HECW1: variants seen among roughly 807,000 people sequenced by gnomAD.
HECW1 encodes HECT, C2 and WW domain containing E3 ubiquitin protein ligase 1.
A neutral mutation model predicts 182.3 loss-of-function variants in HECW1; 61 were observed. The ratio of observed to expected loss-of-function variants is 0.33; its 90% CI spans 0.27 to 0.41. The LOEUF (loss-of-function observed/expected upper bound fraction) is 0.41, where lower values mean the gene tolerates loss of function less well. Ranked by LOEUF, HECW1 falls within the 10% of genes least tolerant of loss-of-function variation. The pLI, the probability that HECW1 is intolerant of heterozygous loss-of-function variation, is 1.00. For missense variants in HECW1, 1,739 were observed against 2,108.9 expected (o/e 0.82, Z 3.44); for synonymous variants, 859 against 832.6 (o/e 1.03, Z -0.55).
intron 5 of HECW1, among the ~76,000 whole-genome samples, chr7:43,342,142 A>G (rs557563406): frequency 6.6e-6 from 1 of 151,962 alleles, no homozygotes; most frequent in Admixed American, 6.5e-5. Flanking sequence ...TTAACATTTT[A>G]CCTTAAGGAG....
chr7:43,419,611 T>A (rs962096536), intron 8 of HECW1, among the ~76,000 whole-genome samples: 1 of 152,206 alleles, frequency 6.6e-6, no homozygotes, highest in Non-Finnish European at 1.5e-5. Context: ...AGAAAAATCA[T>A]GTTTATCTCC....
intron 5 of HECW1, among the ~76,000 whole-genome samples, chr7:43,352,966 A>C (rs889630760): frequency 5.3e-5 from 8 of 152,098 alleles, no homozygotes; most frequent in African/African-American, 1.9e-4. Context: ...GGGGCAGGGA[A>C]GCAATTTTCT....
chr7:43,301,966 GA>G (rs1806867359), intron 3 of HECW1, among the ~76,000 whole-genome samples: 2 of 151,976 alleles, frequency 1.3e-5, no homozygotes, highest in African/African-American at 4.8e-5. Flanking sequence ...CCACCCAGGG[GA>G]TATAAGAATT....
At chr7:43,388,906 A>T (rs2152832851) in intron 6 of HECW1, among the ~76,000 whole-genome samples, 1 of 152,298 alleles carries the variant, frequency 6.6e-6, no homozygotes, top group Non-Finnish European at 1.5e-5. Context: ...TGATTGGCCT[A>T]CAGAGGGTGG....
rs144371779 is a variant in HECW1, at chr7:43,216,263, A to C, written c.-31-27612A>C. Among the ~76,000 whole-genome samples the C allele has an allele frequency of 9.2e-3, 1,404 of 152,066 alleles. 29 individuals carry two copies. Among genetic ancestry groups the C allele is most frequent in the East Asian group, 0.082 (423 of 5,136 alleles). On this transcript the variant is annotated intron_variant, in intron 2 of 29. Coordinates refer to ENST00000395891, the MANE Select transcript of HECW1 (RefSeq NM_015052.5). ...TGGGTTCAAGTGATTCTTCAGCCTC[A>C]GCCTCCTGAGTAGCTGGGACTACAG...
chr7:43,215,326 T>C (rs1300237828), intron 2 of HECW1, among the ~76,000 whole-genome samples: 2 of 152,222 alleles, frequency 1.3e-5, no homozygotes, highest in Non-Finnish European at 2.9e-5. Flanking sequence ...TTTCCAATCC[T>C]CACAGAAGCG....
At chr7:43,143,103 T>G (rs1788340770) in intron 2 of HECW1, among the ~76,000 whole-genome samples, 1 of 152,198 alleles carries the variant, frequency 6.6e-6, no homozygotes, top group African/African-American at 2.4e-5. Flanking sequence ...CCTGAGTAGC[T>G]GGGATCACAG....
At chr7:43,263,683 A>G (rs1051383903) in intron 3 of HECW1, among the ~76,000 whole-genome samples, 2 of 152,130 alleles carry the variant, frequency 1.3e-5, no homozygotes, top group African/African-American at 2.4e-5. Context: ...TAGGAAGGAA[A>G]ACATAAGGAG....
rs397951703 is a variant in HECW1, at chr7:43,456,284, T to TG, written c.2501-13_2501-12insG. 2.5e-6 allele frequency: 4 copies of TG among 1,596,308 alleles called. No individual in the cohort carries two copies. The highest frequency in any genetic ancestry group is 1.3e-5 in the African/African-American group (1 of 74,144). ...TCCTTGATTTTTCTTTTTGCCTTTT[T>TG]ATTAAACACTAGACTGGGAAGCTCG... On this transcript the variant is annotated splice_polypyrimidine_tract_variant and intron_variant, in intron 12 of 29. Transcript: ENST00000395891.
intron 4 of HECW1, among the ~76,000 whole-genome samples, chr7:43,319,082 G>A (rs1474502858): frequency 6.6e-6 from 1 of 152,156 alleles, no homozygotes; most frequent in East Asian, 1.9e-4. Context: ...TTCTCTCCAG[G>A]CACTGGTTTT....
At chr7:43,431,879 GCTT>G (rs1293545904) in intron 8 of HECW1, among the ~76,000 whole-genome samples, 66 of 146,944 alleles carry the variant, frequency 4.5e-4, no homozygotes, top group East Asian at 1.4e-3. Flanking sequence ...ACCGACACTT[GCTT>G]TTTTTTTTTT....
chr7:43,556,355 G>A (rs1157739342), intron 29 of HECW1, among the ~76,000 whole-genome samples: 3 of 152,150 alleles, frequency 2.0e-5, no homozygotes, highest in African/African-American at 7.2e-5. Flanking sequence ...AACATCACAG[G>A]GGATGCAGTT....
chr7:43,376,782 C>T (rs1169597614), intron 6 of HECW1, among the ~76,000 whole-genome samples: 1 of 152,000 alleles, frequency 6.6e-6, no homozygotes, highest in Admixed American at 6.6e-5. Context: ...AGGACAATTG[C>T]TTGAACCCAG....
chr7:43,400,535 A>G (rs2075371274), intron 7 of HECW1, among the ~76,000 whole-genome samples: 1 of 152,230 alleles, frequency 6.6e-6, no homozygotes, highest in Admixed American at 6.5e-5. Flanking sequence ...AGAGAAAAAG[A>G]AACTATTCTA....
intron 3 of HECW1, chr7:43,248,791 C>T (rs1379387636): frequency 6.6e-5 from 10 of 152,460 alleles, no homozygotes; most frequent in Non-Finnish European, 1.0e-4. Flanking sequence ...TTCCCCTCCC[C>T]CTCCTCATAG....
chr7:43,401,156 T>C (rs1289818433), intron 7 of HECW1, among the ~76,000 whole-genome samples: 3 of 152,204 alleles, frequency 2.0e-5, no homozygotes, highest in African/African-American at 7.2e-5. Flanking sequence ...TGAACATCTT[T>C]GTGAGGTCAT....
At chr7:43,491,936 C>A in intron 17 of HECW1, 139 bp from the exon 18 acceptor site, 1 of 633,496 alleles carries the variant, frequency 1.6e-6, no homozygotes, top group Non-Finnish European at 2.8e-6. Context: ...CTTTTGTAAG[C>A]TTTCTTTTCC....
intron 2 of HECW1, among the ~76,000 whole-genome samples, chr7:43,184,813 C>A (rs1167564158): frequency 6.6e-6 from 1 of 152,038 alleles, no homozygotes; most frequent in Non-Finnish European, 1.5e-5. Context: ...CTGGCATCTG[C>A]TTGGGGAGGC....
chr7:43,190,719 C>T (rs917400986), intron 2 of HECW1, among the ~76,000 whole-genome samples: 1 of 152,184 alleles, frequency 6.6e-6, no homozygotes, highest in South Asian at 2.1e-4. Flanking sequence ...TCCAAAAAAC[C>T]CATCTGCACA....
Sources: allele counts gnomAD v4.1 joint callset (sites outside exome capture counted in the v4.1 genomes callset), GRCh38; gene constraint gnomAD v4.1.1; transcripts MANE v1.5; gene names NCBI Gene and HGNC (gene_info 2026-07-23, HGNC 2026-07-21).